The following PRICKLE2 variants were observed in gnomAD, a reference collection of about 807,000 sequenced individuals.
PRICKLE2 encodes prickle planar cell polarity protein 2, also known as prickle-like protein 2.
In PRICKLE2, 21 loss-of-function variants were observed where a neutral mutation model predicts 81.4. The observed-to-expected ratio is 0.26, with a 90% CI of 0.18 to 0.37. The LOEUF (loss-of-function observed/expected upper bound fraction) is 0.37, where lower values mean the gene tolerates loss of function less well. PRICKLE2 is among the 10% of genes least tolerant of loss of function. The probability of loss-of-function intolerance (pLI) is 1.00; values close to 1 mark genes in which losing one functional copy is unlikely to be tolerated. For missense variants in PRICKLE2, 940 were observed against 1,109.0 expected, an observed-to-expected ratio of 0.85 and a Z score of 2.16; for synonymous variants, 456 against 421.5, an observed-to-expected ratio of 1.08 and a Z score of -1.00.
rs2079011240 is a variant in PRICKLE2, at chr3:64,224,989, T to C, written c.-120A>G. ...AGCTTGTCAATTGTCCCAGTTCACT[T>C]TCTCCCTGGATCTGACTTCTAAGAA... is the stretch of plus-strand genomic sequence containing the variant. On this transcript the variant is annotated 5_prime_UTR_variant, in exon 1 of 8. Transcript: ENST00000638394. 1.0e-6 allele frequency: 1 copy of C among 985,250 alleles called. No homozygotes were observed. Among genetic ancestry groups the C allele is most frequent in the African/African-American group, 1.7e-5 (1 of 57,204 alleles). 61.0% of individuals were successfully genotyped at this position (985,250 alleles called of 1,614,324 possible).
chr3:64,128,235 G>C (rs1244628778), intron 7 of PRICKLE2, among the ~76,000 whole-genome samples: 2 of 152,174 alleles, frequency 1.3e-5, no homozygotes, highest in Non-Finnish European at 2.9e-5. Flanking sequence ...TTCTCCACAC[G>C]TGGAACAACT....
chr3:64,229,799 T>C (rs2079076285), upstream of PRICKLE2, among the ~76,000 whole-genome samples: 1 of 152,244 alleles, frequency 6.6e-6, no homozygotes, highest in South Asian at 2.1e-4. Flanking sequence ...AATCCTGATA[T>C]TTAGATTTCA....
intron 2 of PRICKLE2, among the ~76,000 whole-genome samples, chr3:64,251,798 T>C (rs911204063): frequency 6.6e-5 from 10 of 152,236 alleles, no homozygotes; most frequent in South Asian, 2.1e-4. Context: ...AGCAATCTAG[T>C]TATATTTGGT....
chr3:64,225,326 GA>G lies in PRICKLE2; in HGVS notation c.-458del. The G allele has an allele frequency of 1.0e-6, 1 of 985,384 alleles. No individual in the cohort carries two copies. Among genetic ancestry groups the G allele is most frequent in the Non-Finnish European group, 1.2e-6 (1 of 829,960 alleles). 61.0% of individuals were successfully genotyped at this position (985,384 alleles called of 1,614,324 possible). A position where few individuals can be genotyped will look rare whatever the true frequency, so the allele number is the denominator to read the frequency against. On this transcript the variant is annotated 5_prime_UTR_variant, in exon 1 of 8. Coordinates refer to ENST00000638394, the MANE Select transcript of PRICKLE2 (RefSeq NM_198859.4). ...AGACTCCAGCCCAGCGTCACCAGCT[GA>G]TCCTGAGCCAGACCCGGGGTGACTA... is the stretch of plus-strand genomic sequence containing the variant.
At chr3:64,100,955 G>T (rs1312797328) in intron 7 of PRICKLE2, 1 of 152,174 alleles carries the variant, frequency 6.6e-6, no homozygotes, top group Non-Finnish European at 1.5e-5. Context: ...TATCACCCCT[G>T]CTACTGATTA....
chr3:64,205,826 TGGA>T (rs1024196855), intron 1 of PRICKLE2, among the ~76,000 whole-genome samples: 4 of 152,302 alleles, frequency 2.6e-5, no homozygotes, highest in Admixed American at 2.6e-4. Context: ...CAAGTTGATG[TGGA>T]GAAGAAGACT....
intron 7 of PRICKLE2, among the ~76,000 whole-genome samples, chr3:64,115,847 C>T (rs2076925735): frequency 6.6e-6 from 1 of 152,034 alleles, no homozygotes; most frequent in Admixed American, 6.6e-5. Context: ...TCAAGCAGAC[C>T]TGATAGATAT....
At chr3:64,145,247 G>A (rs1320510371) in intron 7 of PRICKLE2, among the ~76,000 whole-genome samples, 1 of 146,308 alleles carries the variant, frequency 6.8e-6, no homozygotes, top group East Asian at 2.0e-4. Flanking sequence ...CTATGAGCAT[G>A]TGCCACCAAG....
chr3:64,144,696 GT>G (rs1488638978), intron 7 of PRICKLE2, among the ~76,000 whole-genome samples: 1 of 152,206 alleles, frequency 6.6e-6, no homozygotes, highest in African/African-American at 2.4e-5. Flanking sequence ...TGAAGGACCA[GT>G]TTGTTTTCAT....
At chr3:64,245,354 G>C (rs1424730245) in intron 2 of PRICKLE2, among the ~76,000 whole-genome samples, 2 of 152,150 alleles carry the variant, frequency 1.3e-5, no homozygotes, top group African/African-American at 4.8e-5. Context: ...TACTGGATTA[G>C]AAGTCTTTTT....
Position 64,157,318 on chromosome 3 carries a change from G to A in PRICKLE2, c.444C>T (p.Arg148=), listed in dbSNP as rs146538069. 4,950 of 1,613,902 alleles carry A rather than the reference G, an allele frequency of 3.1e-3. 9 individuals are homozygous for A. The highest frequency in any genetic ancestry group is 3.9e-3 in the Non-Finnish European group (4,593 of 1,180,032). The change falls in exon 5 of 8, where the codon CGC becomes CGT. Residue 148 remains arginine (R), a synonymous_variant. Coordinates refer to ENST00000638394, the MANE Select transcript of PRICKLE2 (RefSeq NM_198859.4). ...NGGDIAVFAS[R]AGHGVCWHPP... is the part of the protein sequence containing the mutation. ...GGTGCCAGCAAACGCCGTGGCCAGC[G>A]CGTGACGCAAACACAGCGATGTCTC...
At chr3:64,259,248 A>G (rs3891298) in intron 2 of PRICKLE2, among the ~76,000 whole-genome samples, 7,785 of 152,286 alleles carry the variant, frequency 0.051, 274 homozygotes, top group Non-Finnish European at 0.072. Context: ...AGTAGTAAAA[A>G]TATATAACAG....
At chr3:64,258,131 T>C (rs1362174358) in intron 2 of PRICKLE2, among the ~76,000 whole-genome samples, 9 of 151,756 alleles carry the variant, frequency 5.9e-5, no homozygotes, top group Admixed American at 5.2e-4. Context: ...CAGACTAAGA[T>C]ACTCTTGGTT....
intron 7 of PRICKLE2, among the ~76,000 whole-genome samples, chr3:64,125,359 T>G (rs982563883): frequency 1.3e-5 from 2 of 152,186 alleles, no homozygotes; most frequent in African/African-American, 4.8e-5. Context: ...AGTGGCAGGG[T>G]TGAAGAGGAT....
At chr3:64,103,615 C>A (rs547678415) in intron 7 of PRICKLE2, 2 of 152,260 alleles carry the variant, frequency 1.3e-5, no homozygotes, top group African/African-American at 4.8e-5. Flanking sequence ...TAAAAATTCA[C>A]TGAGATGTAG....
At chr3:64,115,520 G>C (rs1183419291) in intron 7 of PRICKLE2, among the ~76,000 whole-genome samples, 4 of 152,014 alleles carry the variant, frequency 2.6e-5, no homozygotes, top group Non-Finnish European at 5.9e-5. Flanking sequence ...CAAGCAAATG[G>C]AAAACAGAAA....
At chr3:64,122,450 G>A (rs1321467366) in intron 7 of PRICKLE2, among the ~76,000 whole-genome samples, 1 of 152,174 alleles carries the variant, frequency 6.6e-6, no homozygotes, top group Non-Finnish European at 1.5e-5. Context: ...CAGAACTTCT[G>A]GGAGGCCCAA....
chr3:64,241,836 G>C (rs551214285), intron 2 of PRICKLE2, among the ~76,000 whole-genome samples: 4 of 152,204 alleles, frequency 2.6e-5, no homozygotes, highest in Non-Finnish European at 5.9e-5. Context: ...CATGCCTTCA[G>C]CGTTGGCCAA....
chr3:64,175,013 C>T (rs1187174717), intron 2 of PRICKLE2: 1 of 163,548 alleles, frequency 6.1e-6, no homozygotes, highest in Non-Finnish European at 1.4e-5. Flanking sequence ...GGAAGACACC[C>T]TCTGCTTGGT....
Sources: allele counts gnomAD v4.1 joint callset (sites outside exome capture counted in the v4.1 genomes callset), GRCh38; gene constraint gnomAD v4.1.1; transcripts MANE v1.5; gene names NCBI Gene and HGNC (gene_info 2026-07-23, HGNC 2026-07-21).